The following CNTNAP5 variants were observed in gnomAD, a reference collection of about 807,000 sequenced individuals.
CNTNAP5 encodes contactin associated protein family member 5, also known as contactin-associated protein-like 5.
CNTNAP5 carries 72 observed loss-of-function variants against 150.2 expected under a neutral mutation model. The observed-to-expected ratio is 0.48, with a 90% CI of 0.40 to 0.58. The LOEUF is 0.58. Among genes scored for constraint, CNTNAP5 ranks in the 20% least tolerant of loss-of-function variants. The pLI, the probability that CNTNAP5 is intolerant of heterozygous loss-of-function variation, is 0.00. For synonymous variants in CNTNAP5, 672 were observed against 619.8 expected, an observed-to-expected ratio of 1.08 and a Z score of -1.25; for missense variants, 1,636 against 1,626.2, an observed-to-expected ratio of 1.01 and a Z score of -0.10.
chr2:124,805,093 G>A (rs939689020), intron 19 of CNTNAP5, among the ~76,000 whole-genome samples: 1 of 152,100 alleles, frequency 6.6e-6, no homozygotes, highest in African/African-American at 2.4e-5. Context: ...TGTGCAGTGC[G>A]TAGAGGCAGA....
intron 13 of CNTNAP5, among the ~76,000 whole-genome samples, chr2:124,719,134 T>G (rs1680002801): frequency 6.6e-6 from 1 of 152,098 alleles, no homozygotes; most frequent in Non-Finnish European, 1.5e-5. Context: ...TTAACTTATT[T>G]TCCTTATACT....
chr2:124,678,361 C>T (rs377532502), intron 13 of CNTNAP5, among the ~76,000 whole-genome samples: 33 of 151,802 alleles, frequency 2.2e-4, no homozygotes, highest in African/African-American at 5.3e-4. Flanking sequence ...GTGTCTTAAG[C>T]GGCATTTCAG....
At chr2:124,647,020 T>C (rs1678216390) in intron 12 of CNTNAP5, among the ~76,000 whole-genome samples, 1 of 152,186 alleles carries the variant, frequency 6.6e-6, no homozygotes, top group Non-Finnish European at 1.5e-5. Flanking sequence ...TTATCCAAGC[T>C]TGTTCTTGGC....
intron 13 of CNTNAP5, among the ~76,000 whole-genome samples, chr2:124,684,011 A>G (rs1679128965): frequency 1.3e-5 from 2 of 152,190 alleles, no homozygotes; most frequent in Non-Finnish European, 2.9e-5. Context: ...AAAGAATGTC[A>G]TGTTTCCAAA....
intron 20 of CNTNAP5, among the ~76,000 whole-genome samples, chr2:124,866,721 T>C (rs185389659): frequency 9.9e-4 from 150 of 152,162 alleles, no homozygotes; most frequent in African/African-American, 3.5e-3. Flanking sequence ...CAACAGAGAA[T>C]AGACAGAGTC....
chr2:124,577,486 A>G (rs557660048), intron 11 of CNTNAP5, among the ~76,000 whole-genome samples: 4 of 152,228 alleles, frequency 2.6e-5, no homozygotes, highest in African/African-American at 7.2e-5. Context: ...TGCAACACAC[A>G]TTTGTATCAG....
chr2:124,462,775 A>G (rs888056452), intron 6 of CNTNAP5, among the ~76,000 whole-genome samples: 15 of 152,204 alleles, frequency 9.9e-5, no homozygotes, highest in African/African-American at 3.6e-4. Flanking sequence ...TAAATTTGTA[A>G]AGAGTTACAA....
At chr2:124,500,247 G>A (rs1694245718) in intron 7 of CNTNAP5, among the ~76,000 whole-genome samples, 2 of 152,054 alleles carry the variant, frequency 1.3e-5, no homozygotes, top group African/African-American at 2.4e-5. Flanking sequence ...TGGCACAGTC[G>A]AGCTGACCAA....
chr2:124,764,299 G>T (rs1422363449), intron 16 of CNTNAP5, among the ~76,000 whole-genome samples, 152 bp downstream of exon 16: 1 of 152,092 alleles, frequency 6.6e-6, no homozygotes, highest in Non-Finnish European at 1.5e-5. Flanking sequence ...AGTTCCTTCT[G>T]ATGCTTTATG....
At chr2:124,634,596 C>T (rs929634419) in intron 12 of CNTNAP5, among the ~76,000 whole-genome samples, 2 of 152,096 alleles carry the variant, frequency 1.3e-5, no homozygotes, top group Admixed American at 6.5e-5. Context: ...GTAGTGTTGA[C>T]ATCTGGGTTC....
intron 11 of CNTNAP5, among the ~76,000 whole-genome samples, chr2:124,574,364 A>T (rs1475743565): frequency 6.6e-6 from 1 of 152,230 alleles, no homozygotes; most frequent in Non-Finnish European, 1.5e-5. Context: ...TAGCAGCATG[A>T]CTCAGAATAA....
chr2:124,029,049 G>T (rs959004294), intron 1 of CNTNAP5, among the ~76,000 whole-genome samples: 2 of 152,192 alleles, frequency 1.3e-5, no homozygotes, highest in African/African-American at 4.8e-5. Flanking sequence ...TTAATTTTGA[G>T]CAATACATCA....
intron 19 of CNTNAP5, among the ~76,000 whole-genome samples, chr2:124,834,584 A>G (rs1682790343): frequency 6.6e-6 from 1 of 152,082 alleles, no homozygotes; most frequent in African/African-American, 2.4e-5. Flanking sequence ...CAATGGAGAC[A>G]GGGGCTGGTG....
At chr2:124,315,705 T>C (rs774082895) in intron 3 of CNTNAP5, among the ~76,000 whole-genome samples, 7 of 152,130 alleles carry the variant, frequency 4.6e-5, no homozygotes, top group Non-Finnish European at 7.3e-5. Context: ...AGCTACTTTA[T>C]CTCCCCCAGG....
chr2:124,452,820 A>T (rs1215810124), intron 6 of CNTNAP5, among the ~76,000 whole-genome samples: 1 of 152,160 alleles, frequency 6.6e-6, no homozygotes, highest in Non-Finnish European at 1.5e-5. Context: ...TCCCTAGGAA[A>T]AGGGGGAGAG....
At chr2:124,048,114 G>A (rs936466614) in intron 1 of CNTNAP5, among the ~76,000 whole-genome samples, 11 of 152,036 alleles carry the variant, frequency 7.2e-5, no homozygotes, top group African/African-American at 2.4e-4. Flanking sequence ...TAGTATTCTT[G>A]TCATATGCAT....
At chr2:124,307,009 T>G (rs1688710137) in intron 3 of CNTNAP5, among the ~76,000 whole-genome samples, 1 of 152,136 alleles carries the variant, frequency 6.6e-6, no homozygotes, top group Non-Finnish European at 1.5e-5. Flanking sequence ...ATTATAGGAA[T>G]GAGCCACTGC....
chr2:124,032,718 C>T (rs911120977), intron 1 of CNTNAP5, among the ~76,000 whole-genome samples: 39 of 152,090 alleles, frequency 2.6e-4, no homozygotes, highest in African/African-American at 7.2e-4. Context: ...ATAGCTGTTT[C>T]GATTGTTTTT....
intron 10 of CNTNAP5, among the ~76,000 whole-genome samples, chr2:124,530,444 G>C (rs1184272282): frequency 6.6e-6 from 1 of 152,196 alleles, no homozygotes. Flanking sequence ...TGGTGCCTAA[G>C]ACCCTGACAC....
Sources: gnomAD v4.1 joint callset for allele counts (sites outside exome capture counted in the v4.1 genomes callset) on GRCh38, gnomAD v4.1.1 for gene constraint, MANE v1.5 for transcripts, NCBI Gene and HGNC (gene_info 2026-07-23, HGNC 2026-07-21) for gene names.